PIK3R6: variants seen among roughly 807,000 people sequenced by gnomAD.
PIK3R6 encodes phosphoinositide-3-kinase regulatory subunit 6.
PIK3R6 carries 91 observed loss-of-function variants against 84.9 expected under a neutral mutation model. That is an observed-to-expected ratio of 1.07 (90% CI 0.90 to 1.28). PIK3R6 has a LOEUF of 1.28. PIK3R6 is among the 50% of genes most tolerant of loss of function. The probability of loss-of-function intolerance (pLI) is 0.00; values close to 1 mark genes in which losing one functional copy is unlikely to be tolerated. For missense variants in PIK3R6, 996 were observed against 985.1 expected (o/e 1.01, Z -0.15); for synonymous variants, 416 against 411.4 (o/e 1.01, Z -0.13).
At chr17:8,822,768 T>C in intron 15 of PIK3R6, 111 bp from the exon 16 acceptor site, 1 of 1,164,100 alleles carries the variant, frequency 8.6e-7, no homozygotes, top group South Asian at 1.4e-5. Context: ...CATCCATCCA[T>C]CTCCCTGGAT....
intron 5 of PIK3R6, among the ~76,000 whole-genome samples, chr17:8,837,187 A>G (rs929003342): frequency 6.6e-6 from 1 of 152,152 alleles, no homozygotes; most frequent in Non-Finnish European, 1.5e-5. Flanking sequence ...TTATGCAAGC[A>G]AATCAACTTC....
At chr17:8,809,525 A>T in intron 18 of PIK3R6, among the ~76,000 whole-genome samples, 1 of 152,228 alleles carries the variant, frequency 6.6e-6, no homozygotes, top group East Asian at 1.9e-4. Context: ...CATGCCTGTA[A>T]TCCCAGCACT....
rs543969872 is a variant in PIK3R6 at position 8,821,856 on chromosome 17, G to A, written c.1869C>T (p.Ser623=). Residue 623 remains serine, a synonymous_variant, in exon 17 of 20, where the codon AGC becomes AGT. Coordinates refer to ENST00000619866, the MANE Select transcript of PIK3R6 (RefSeq NM_001010855.4). ...TTCCCCATTCCTCACCTTCTGTGTC[G>A]CTGGCTGGAATGGCCTTCAGGATCA... ...TGLILKAIPA[S]DTEVSGSSHC... is the part of the protein sequence containing the mutation. 80 of 1,594,442 alleles carry A rather than the reference G, an allele frequency of 5.0e-5. No homozygotes were observed. Among genetic ancestry groups the A allele is most frequent in the Admixed American group, 2.4e-4 (14 of 57,256 alleles).
At chr17:8,822,055 T>A in intron 16 of PIK3R6, 119 bp from the exon 17 acceptor site, 4 of 320,030 alleles carry the variant, frequency 1.2e-5, no homozygotes, top group Non-Finnish European at 1.5e-5. Context: ...TGAGAGTCTT[T>A]TTTTTTTTTT....
chr17:8,860,015 C>G (rs2089234139), intron 1 of PIK3R6, among the ~76,000 whole-genome samples: 1 of 152,214 alleles, frequency 6.6e-6, no homozygotes. Context: ...ATTTCGCAGA[C>G]TCATGTAAGA....
Position 8,866,719 on chromosome 17 carries a change from C to G in PIK3R6, c.-92+810G>C, listed in dbSNP as rs75145303. 2.4e-4 allele frequency among the ~76,000 whole-genome samples: 36 copies of G among 152,212 alleles called. No individual in the cohort carries two copies. The East Asian group carries it at 6.6e-3, about 28-fold the overall frequency. ...CACCAGGTCCTCCCTTGAGCCTCAGCCAGGCACCACCTTCCACGGGACCCT... is the reference window on the plus strand; with the variant it reads ...CACCAGGTCCTCCCTTGAGCCTCAGGCAGGCACCACCTTCCACGGGACCCT... On this transcript the variant is annotated intron_variant, in intron 1 of 19. Transcript: ENST00000619866.
At position 8,832,921 on chromosome 17, in the gene PIK3R6, G is replaced by A; in HGVS notation, c.770C>T (p.Ser257Leu). The A allele has an allele frequency of 6.2e-7, 1 of 1,612,878 alleles. No individual in the cohort carries two copies. Among genetic ancestry groups the A allele is most frequent in the Non-Finnish European group, 8.5e-7 (1 of 1,179,740 alleles). The part of the protein sequence containing the change: ...HVERLEEIYC[S>L]LLGPAAGRCG... ...GCGCCCCGCCGCGGGACCCAGCAGC[G>A]AGCAGTAAATCTCCTCCAGCCTCTC... The change falls in exon 9 of 20, where the codon TCG (serine) becomes TTG (leucine). Residue 257 changes from serine to leucine, a missense_variant. Ser to Leu is a moderately radical substitution (Grantham distance 145). Transcript: ENST00000619866.
chr17:8,857,835 G>C (rs1329130686), intron 1 of PIK3R6, among the ~76,000 whole-genome samples: 1 of 151,510 alleles, frequency 6.6e-6, no homozygotes, highest in African/African-American at 2.4e-5. Context: ...GGGAGGCAGA[G>C]GTTGCAGTGA....
In PIK3R6 at chr17:8,804,173, C is replaced by T. The variant is rs747195283; in HGVS notation, c.1996-20G>A. 8 of 1,596,420 alleles carry T rather than the reference C, an allele frequency of 5.0e-6. No homozygotes were observed. The highest frequency in any genetic ancestry group is 2.2e-5 in the East Asian group (1 of 44,796). On this transcript the variant is annotated intron_variant, in intron 18 of 19. Coordinates refer to ENST00000619866, the MANE Select transcript of PIK3R6 (RefSeq NM_001010855.4). ...CACTGTCTGCAGCACAGAGATCGCA[C>T]GTGTGAGTGTTGCCTTTGCTCGACA...
chr17:8,829,584 T>C, intron 10 of PIK3R6, 122 bp downstream of exon 10: 2 of 926,828 alleles, frequency 2.2e-6, no homozygotes, highest in Admixed American at 2.8e-5. Context: ...ACAGACACAC[T>C]GACACACACT....
intron 1 of PIK3R6, among the ~76,000 whole-genome samples, chr17:8,866,403 G>A (rs533542644): frequency 2.6e-5 from 4 of 152,082 alleles, no homozygotes; most frequent in African/African-American, 7.2e-5. Context: ...TTAGCCAGGC[G>A]TGGTGGTGTG....
intron 1 of PIK3R6, among the ~76,000 whole-genome samples, chr17:8,861,218 G>T (rs185914797): frequency 6.6e-6 from 1 of 151,548 alleles, no homozygotes; most frequent in Non-Finnish European, 1.5e-5. Context: ...GAAAGCAGAC[G>T]TGTTGGCAAT....
chr17:8,861,634 C>T (rs2089289173), intron 1 of PIK3R6, among the ~76,000 whole-genome samples: 1 of 152,170 alleles, frequency 6.6e-6, no homozygotes, highest in Non-Finnish European at 1.5e-5. Context: ...AAGCCACTTG[C>T]TAGCCATCAT....
chr17:8,817,541 C>T (rs553991403), intron 18 of PIK3R6, among the ~76,000 whole-genome samples: 68 of 152,188 alleles, frequency 4.5e-4, no homozygotes, highest in Admixed American at 3.3e-3. Flanking sequence ...ACTCAGGAGG[C>T]TGAAGCAGGA....
chr17:8,867,297 T>C (rs991012958), intron 1 of PIK3R6, among the ~76,000 whole-genome samples: 2 of 152,190 alleles, frequency 1.3e-5, no homozygotes, highest in African/African-American at 4.8e-5. Flanking sequence ...CCCGTGTCTT[T>C]TCATCTTGTG....
In PIK3R6 at chr17:8,827,249, A is replaced by G. The variant is rs371233541; in HGVS notation, c.1438T>C (p.Phe480Leu). 71 of 1,583,338 alleles carry G rather than the reference A, an allele frequency of 4.5e-5. No homozygotes were observed. The African/African-American group carries it at 9.6e-4, about 21-fold the overall frequency. Reference sequence around the variant, plus strand: ...TACCACGGGTCTACGCGGCCCAGGAACGTAGCCAGCTCTCCCAGCTCCGGC... The same window carrying G: ...TACCACGGGTCTACGCGGCCCAGGAGCGTAGCCAGCTCTCCCAGCTCCGGC... Reference protein sequence around the residue: ...RQPELGELATFLGRVDPWYQS... With the variant: ...RQPELGELATLLGRVDPWYQS... The change falls in exon 13 of 20, where the codon TTC becomes CTC. Residue 480 changes from phenylalanine (F) to leucine (L), a missense_variant. Coordinates refer to ENST00000619866, the MANE Select transcript of PIK3R6 (RefSeq NM_001010855.4).
chr17:8,859,893 C>T (rs2089231484), intron 1 of PIK3R6, among the ~76,000 whole-genome samples: 1 of 152,140 alleles, frequency 6.6e-6, no homozygotes, highest in South Asian at 2.1e-4. Context: ...CCTGCTAATA[C>T]ATCCTTTTGT....
At chr17:8,859,048 T>G (rs2151314877) in intron 1 of PIK3R6, among the ~76,000 whole-genome samples, 1 of 152,358 alleles carries the variant, frequency 6.6e-6, no homozygotes, top group East Asian at 1.9e-4. Context: ...GCACATGCAA[T>G]TGTCTTGTAT....
At chr17:8,841,431 G>A (rs944303352) in intron 2 of PIK3R6, among the ~76,000 whole-genome samples, 2 of 152,072 alleles carry the variant, frequency 1.3e-5, no homozygotes, top group Non-Finnish European at 2.9e-5. Context: ...CCTTACCGTC[G>A]ATGTATAAGA....
Sources: gnomAD v4.1 joint callset for allele counts (sites outside exome capture counted in the v4.1 genomes callset) on GRCh38, gnomAD v4.1.1 for gene constraint, MANE v1.5 for transcripts, NCBI Gene and HGNC (gene_info 2026-07-23, HGNC 2026-07-21) for gene names.